Variants in USP37 observed in about 807,000 individuals in gnomAD.
The protein encoded by USP37 is ubiquitin specific peptidase 37, also known as ubiquitin carboxyl-terminal hydrolase 37.
In USP37, 27 loss-of-function variants were observed where a neutral mutation model predicts 124.0. That is an observed-to-expected ratio of 0.22 (90% CI 0.16 to 0.30). The LOEUF (loss-of-function observed/expected upper bound fraction) is 0.30. USP37 is among the 10% of genes least tolerant of loss of function. The probability of loss-of-function intolerance (pLI) is 1.00; values close to 1 mark genes in which losing one functional copy is unlikely to be tolerated. For synonymous variants in USP37, 365 were observed against 388.0 expected (o/e 0.94, Z 0.70); for missense variants, 889 against 1,140.4 (o/e 0.78, Z 3.17).
rs143698654 is a variant in USP37, at chr2:218,502,186, G to C, written c.1026-4029C>G. Among the ~76,000 whole-genome samples, 313 of 152,136 alleles carry C rather than the reference G, an allele frequency of 2.1e-3. 1 individual carries two copies. The highest frequency in any genetic ancestry group is 7.3e-3 in the African/African-American group (304 of 41,516). Reference sequence around the variant, plus strand: ...ACTCAAAACAATCAAAACTACTGCAGACAAGAATATTAAAACAACTACTTA... The same window carrying C: ...ACTCAAAACAATCAAAACTACTGCACACAAGAATATTAAAACAACTACTTA... On this transcript the variant is annotated intron_variant, in intron 11 of 25. Coordinates refer to ENST00000258399, the MANE Select transcript of USP37 (RefSeq NM_020935.3).
chr2:218,475,346 G>T (rs994638645), intron 19 of USP37, among the ~76,000 whole-genome samples: 1 of 152,216 alleles, frequency 6.6e-6, no homozygotes, highest in African/African-American at 2.4e-5. Flanking sequence ...GGCTGGGCGA[G>T]GTGGCTCACG....
intron 10 of USP37, chr2:218,528,949 C>T: frequency 2.5e-6 from 1 of 401,618 alleles, no homozygotes; most frequent in Admixed American, 4.3e-5. Context: ...AGGGAAATTC[C>T]TAAATATTTA....
At chr2:218,471,160 T>TGCA (rs1392749933) in intron 20 of USP37, among the ~76,000 whole-genome samples, 1 of 152,194 alleles carries the variant, frequency 6.6e-6, no homozygotes, top group East Asian at 1.9e-4. Context: ...CCAGCTTGGG[T>TGCA]GCAGGTATGG....
chr2:218,485,029 C>T (rs492400), intron 16 of USP37, among the ~76,000 whole-genome samples: 84,609 of 151,950 alleles, frequency 0.56, 24,019 homozygotes, highest in East Asian at 0.78. Flanking sequence ...AATGAAGGAA[C>T]GCACAAACTG....
At chr2:218,496,010 G>A (rs1689061241) in intron 13 of USP37, 60 bp from the exon 14 acceptor site, 3 of 1,516,738 alleles carry the variant, frequency 2.0e-6, no homozygotes, top group East Asian at 4.6e-5. Context: ...ATAGCTTACT[G>A]AGGCTGGGTG....
intron 11 of USP37, among the ~76,000 whole-genome samples, chr2:218,509,101 G>T (rs1670279814): frequency 6.6e-6 from 1 of 152,118 alleles, no homozygotes; most frequent in Admixed American, 6.5e-5. Context: ...CTTCACTCTA[G>T]CCTGAATTAC....
chr2:218,512,160 G>T (rs1181527706), intron 10 of USP37, among the ~76,000 whole-genome samples: 1 of 152,112 alleles, frequency 6.6e-6, no homozygotes, highest in Non-Finnish European at 1.5e-5. Flanking sequence ...GAAGCAGGAG[G>T]ATCAGGAGTT....
At position 218,562,797 on chromosome 2, in the gene USP37, G is replaced by A. The variant is rs540166184; in HGVS notation, c.-213C>T. On this transcript the variant is annotated 5_prime_UTR_variant, in exon 2 of 26. Transcript: ENST00000258399. ...TATTCTGCAGCTATGCCAGTTCTCC[G>A]GAAGCCATCAACTCAGCTAAAGAAA... 3 of 398,402 alleles carry A rather than the reference G, an allele frequency of 7.5e-6. No individual in the cohort carries two copies. The highest frequency in any genetic ancestry group is 1.3e-4 in the South Asian group (1 of 7,852). 24.7% of individuals were successfully genotyped at this position (398,402 alleles called of 1,614,324 possible).
chr2:218,476,735 T>C, intron 19 of USP37, 105 bp downstream of exon 19: 1 of 1,275,236 alleles, frequency 7.8e-7, no homozygotes, highest in Non-Finnish European at 1.0e-6. Flanking sequence ...AGAGAAGGCA[T>C]TTTCTTTAAA....
chr2:218,463,853 G>GTTTTT (rs1559162855), intron 21 of USP37, among the ~76,000 whole-genome samples: 1 of 129,210 alleles, frequency 7.7e-6, no homozygotes. Flanking sequence ...TATTTTTTAA[G>GTTTTT]ATTTTTTTTT....
At position 218,454,878 on chromosome 2, in the gene USP37, G is replaced by A. The variant is rs1689605559; in HGVS notation, c.*52C>T. ...TCCTTCAGCAGAGGAAAGGTGAGGT[G>A]GGCAGCAGTAACAAATATGCAGTGC... On this transcript the variant is annotated 3_prime_UTR_variant, in exon 26 of 26. Transcript: ENST00000258399. The A allele has an allele frequency of 6.3e-7, 1 of 1,597,552 alleles. No homozygotes were observed. The highest frequency in any genetic ancestry group is 1.1e-5 in the South Asian group (1 of 89,518).
intron 18 of USP37, among the ~76,000 whole-genome samples, chr2:218,479,413 A>G (rs1342083157): frequency 6.6e-6 from 1 of 152,210 alleles, no homozygotes. Context: ...TAAGTTTTTA[A>G]AAGTTTTAAG....
intron 10 of USP37, among the ~76,000 whole-genome samples, chr2:218,519,680 G>A (rs980203101): frequency 6.6e-6 from 1 of 151,924 alleles, no homozygotes; most frequent in African/African-American, 2.4e-5. Flanking sequence ...TCTGTCCCAG[G>A]CTGGAGTGCA....
chr2:218,488,537 C>A, intron 14 of USP37, 116 bp from the exon 15 acceptor site: 1 of 633,476 alleles, frequency 1.6e-6, no homozygotes, highest in Admixed American at 2.7e-5. Context: ...TATCACCAGG[C>A]ATAAGAACTA....
intron 11 of USP37, among the ~76,000 whole-genome samples, chr2:218,502,563 A>G (rs1163106059): frequency 2.6e-5 from 4 of 152,164 alleles, no homozygotes; most frequent in Admixed American, 6.6e-5. Flanking sequence ...CCACAGATCC[A>G]AGAAGCTCAA....
chr2:218,522,944 G>A (rs559467599), intron 10 of USP37, among the ~76,000 whole-genome samples: 11 of 152,220 alleles, frequency 7.2e-5, no homozygotes, highest in African/African-American at 2.4e-4. Flanking sequence ...TTTGACACCA[G>A]CCTGGCCAAC....
At chr2:218,552,997 G>A (rs1692752475) in intron 5 of USP37, among the ~76,000 whole-genome samples, 1 of 152,150 alleles carries the variant, frequency 6.6e-6, no homozygotes. Flanking sequence ...TTGTTTTGTG[G>A]AATCTACATA....
At position 218,546,948 on chromosome 2, in the gene USP37, T is replaced by C; in HGVS notation, c.573A>G (p.Thr191=). The C allele has an allele frequency of 6.2e-7, 1 of 1,612,656 alleles. No homozygotes were observed. The highest frequency in any genetic ancestry group is 1.7e-4 in the Middle Eastern group (1 of 6,058). ...RTIPSLTSTS[T]PLRSGLLENR... ...TTTCTAGCAACCCTGATCTAAGAGG[T>C]GTTGAAGTAGATGTCAAAGAAGGAA... is the stretch of plus-strand genomic sequence containing the variant. The change falls in exon 7 of 26, where the codon ACA becomes ACG. Residue 191 remains threonine (T), a synonymous_variant. Transcript: ENST00000258399.
At chr2:218,486,328 T>C (rs1231732069) in intron 15 of USP37, 1 of 152,326 alleles carries the variant, frequency 6.6e-6, no homozygotes, top group Non-Finnish European at 1.5e-5. Context: ...TCTATGATAA[T>C]AACAAGAATA....
Sources: gnomAD v4.1 joint callset for allele counts (sites outside exome capture counted in the v4.1 genomes callset) on GRCh38, gnomAD v4.1.1 for gene constraint, MANE v1.5 for transcripts, NCBI Gene and HGNC (gene_info 2026-07-23, HGNC 2026-07-21) for gene names.